The following KIAA0586 variants were observed in gnomAD, a reference collection of about 807,000 sequenced individuals.
The protein encoded by KIAA0586 is KIAA0586.
Under a neutral mutation model 169.8 loss-of-function variants are expected in KIAA0586, and 144 were observed. The observed-to-expected ratio is 0.85, with a 90% CI of 0.74 to 0.97. The LOEUF is 0.97. Ranked by LOEUF, KIAA0586 falls within the 50% of genes least tolerant of loss-of-function variation. The pLI is 0.00. For missense variants in KIAA0586, 1,854 were observed against 1,823.0 expected (o/e 1.02, Z -0.31); for synonymous variants, 625 against 612.4 (o/e 1.02, Z -0.30).
chr14:58,509,392 G>A (rs989021115), intron 28 of KIAA0586, among the ~76,000 whole-genome samples: 6 of 152,126 alleles, frequency 3.9e-5, no homozygotes, highest in Admixed American at 6.5e-5. Context: ...CATAAGAAAT[G>A]TATTGCATAA....
In KIAA0586 at chr14:58,428,248, G is replaced by C; in HGVS notation, c.-17G>C. The C allele has an allele frequency of 6.2e-7, 1 of 1,611,022 alleles. No homozygotes were observed. The highest frequency in any genetic ancestry group is 8.5e-7 in the Non-Finnish European group (1 of 1,178,604). ...TTTTCCGTCCTTAAGTGTGGGACTT[G>C]TTTTGTGACCAACAATATGAAAGGC... On this transcript the variant is annotated 5_prime_UTR_variant, in exon 1 of 31. Coordinates refer to ENST00000652326, the MANE Select transcript of KIAA0586 (RefSeq NM_001329943.3).
At chr14:58,552,408 C>G (rs568508719), downstream of KIAA0586, among the ~76,000 whole-genome samples, 1 of 152,198 alleles carries the variant, frequency 6.6e-6, no homozygotes, top group African/African-American at 2.4e-5. Context: ...AAATATTAGC[C>G]AGAGTACAGA....
intron 16 of KIAA0586, among the ~76,000 whole-genome samples, chr14:58,469,523 G>A (rs1461380569): frequency 2.0e-5 from 3 of 152,102 alleles, no homozygotes; most frequent in Non-Finnish European, 2.9e-5. Flanking sequence ...GTACAAACCC[G>A]GTCAATGTGT....
At position 58,484,900 on chromosome 14, in the gene KIAA0586, A is replaced by ATT. The variant is rs373179400; in HGVS notation, c.3145-2106_3145-2105insTT. Reference sequence around the variant, plus strand: ...ATATTATATATATATTTATATATATATATATATATATATATATATATATAT... The same window carrying ATT: ...ATATTATATATATATTTATATATATATTTATATATATATATATATATATATAT... On this transcript the variant is annotated intron_variant, in intron 21 of 30. Transcript: ENST00000652326. Among the ~76,000 whole-genome samples, 64 of 9,160 alleles carry ATT rather than the reference A, an allele frequency of 7.0e-3. 1 individual carries two copies. Among genetic ancestry groups the ATT allele is most frequent in the Admixed American group, 0.017 (6 of 360 alleles). 6.0% of individuals were successfully genotyped at this position (9,160 alleles called of 152,430 possible).
intron 29 of KIAA0586, among the ~76,000 whole-genome samples, chr14:58,517,513 A>G (rs1197875607): frequency 6.6e-6 from 1 of 152,204 alleles, no homozygotes; most frequent in Non-Finnish European, 1.5e-5. Flanking sequence ...ATTCTGATAC[A>G]TTGCTGGTGG....
intron 29 of KIAA0586, among the ~76,000 whole-genome samples, chr14:58,529,096 A>G (rs2045788278): frequency 6.6e-6 from 1 of 152,226 alleles, no homozygotes; most frequent in Non-Finnish European, 1.5e-5. Context: ...AATTAACTAC[A>G]AAATCTAGAA....
chr14:58,455,327 C>T (rs952637687), intron 9 of KIAA0586, among the ~76,000 whole-genome samples: 1 of 152,170 alleles, frequency 6.6e-6, no homozygotes, highest in Non-Finnish European at 1.5e-5. Flanking sequence ...TGGGATTCCT[C>T]AACAGCAGTT....
At chr14:58,473,222 A>G (rs2041359104) in intron 18 of KIAA0586, among the ~76,000 whole-genome samples, 1 of 152,024 alleles carries the variant, frequency 6.6e-6, no homozygotes, top group Non-Finnish European at 1.5e-5. Context: ...TGAATTATTT[A>G]TAGATAAAAT....
At chr14:58,436,801 C>G (rs958576385) in intron 4 of KIAA0586, among the ~76,000 whole-genome samples, 4 of 152,092 alleles carry the variant, frequency 2.6e-5, no homozygotes, top group Non-Finnish European at 5.9e-5. Context: ...TGATGGAGAA[C>G]TTGCCTTAAT....
Position 58,459,884 on chromosome 14 carries a change from T to A in KIAA0586, c.1698T>A (p.Asp566Glu), listed in dbSNP as rs912229914. The A allele has an allele frequency of 5.2e-6, 8 of 1,533,030 alleles. No individual in the cohort carries two copies. Among genetic ancestry groups the A allele is most frequent in the Non-Finnish European group, 2.6e-6 (3 of 1,145,576 alleles). 95.0% of individuals were successfully genotyped at this position (1,533,030 alleles called of 1,614,324 possible). A position where few individuals can be genotyped will look rare whatever the true frequency, so the allele number is the denominator to read the frequency against. The part of the protein sequence containing the change: ...SRTDYEQKRF[D>E]QKNQRTKKGQ... Reference sequence around the variant, plus strand: ...CAGATTATGAACAAAAAAGATTTGATCAGAAGAATCAGAGAACCAAGAAAG... The same window carrying A: ...CAGATTATGAACAAAAAAGATTTGAACAGAAGAATCAGAGAACCAAGAAAG... The change falls in exon 13 of 31, where the codon GAT becomes GAA. Residue 566 changes from aspartate (D) to glutamate (E), a missense_variant. Coordinates refer to ENST00000652326, the MANE Select transcript of KIAA0586 (RefSeq NM_001329943.3).
intron 27 of KIAA0586, among the ~76,000 whole-genome samples, chr14:58,499,443 G>A (rs576615691): frequency 6.6e-6 from 1 of 151,710 alleles, no homozygotes; most frequent in Admixed American, 6.6e-5. Context: ...TAGTAGAGAT[G>A]GGGTTTCACC....
intron 27 of KIAA0586, among the ~76,000 whole-genome samples, chr14:58,503,810 C>CA (rs61688010): frequency 0.065 from 3,906 of 60,352 alleles, 156 homozygotes; most frequent in African/African-American, 0.18. Context: ...GGGACAAAGG[C>CA]AAAAAAAAAA....
Position 58,507,187 on chromosome 14 carries a change from A to G in KIAA0586, c.4169-1368A>G, listed in dbSNP as rs182600810. Among the ~76,000 whole-genome samples, 869 of 146,214 alleles carry G rather than the reference A, an allele frequency of 5.9e-3. 3 individuals carry two copies. The highest frequency in any genetic ancestry group is 0.01 in the Non-Finnish European group (681 of 66,908). ...AGTGTATATATATATATGTGTATGT[A>G]TGATTTTTATATATATGTATGATTT... On this transcript the variant is annotated intron_variant, in intron 27 of 30. Transcript: ENST00000652326.
chr14:58,510,532 A>G (rs931561929), intron 28 of KIAA0586, among the ~76,000 whole-genome samples: 1 of 152,194 alleles, frequency 6.6e-6, no homozygotes, highest in African/African-American at 2.4e-5. Flanking sequence ...TACTTTGTTG[A>G]TTGGGAATGT....
At chr14:58,490,965 A>T (rs1197625019) in intron 25 of KIAA0586, among the ~76,000 whole-genome samples, 1 of 152,138 alleles carries the variant, frequency 6.6e-6, no homozygotes, top group East Asian at 1.9e-4. Flanking sequence ...AAGTTTTTTG[A>T]TAAGATTTTA....
Position 58,427,792 on chromosome 14 carries a change from T to C in KIAA0586, c.-473T>C. On this transcript the variant is annotated 5_prime_UTR_variant, in exon 1 of 31. Coordinates refer to ENST00000652326, the MANE Select transcript of KIAA0586 (RefSeq NM_001329943.3). ...AGATACGTAGGGGTGAATTTATGTT[T>C]CCGACGATTGCATCTGGAGGGGTGT... 2 of 1,512,908 alleles carry C rather than the reference T, an allele frequency of 1.3e-6. No homozygotes were observed. The highest frequency in any genetic ancestry group is 2.5e-5 in the South Asian group (2 of 81,218). The allele number at this position is 1,512,908 out of a possible 1,614,324, so 93.7% of individuals were successfully genotyped here. A position where few individuals can be genotyped will look rare whatever the true frequency, so the allele number is the denominator to read the frequency against.
chr14:58,544,743 T>C (rs949903001), intron 30 of KIAA0586, among the ~76,000 whole-genome samples: 2 of 152,250 alleles, frequency 1.3e-5, no homozygotes, highest in African/African-American at 4.8e-5. Flanking sequence ...AGATGCTGGA[T>C]ATTAGACCGT....
Position 58,543,304 on chromosome 14 carries a change from A to G in KIAA0586, c.4495+3168A>G, listed in dbSNP as rs192521171. 3.3e-5 allele frequency among the ~76,000 whole-genome samples: 5 copies of G among 152,094 alleles called. No homozygotes were observed. In the East Asian group the frequency reaches 9.7e-4, roughly 29 times the overall value. On this transcript the variant is annotated intron_variant, in intron 30 of 30. Transcript: ENST00000652326. ...TATAGTACTTAGCACTTCCTGTTAT[A>G]TTAGATGTTTATTTCCTTACTTGTC...
chr14:58,459,740 A>C (rs2040173590), intron 12 of KIAA0586, 103 bp from the exon 13 acceptor site: 11 of 621,014 alleles, frequency 1.8e-5, no homozygotes, highest in Non-Finnish European at 2.1e-5. Flanking sequence ...AAACTGCTAA[A>C]CTGTATTTAT....
Sources: allele counts gnomAD v4.1 joint callset (sites outside exome capture counted in the v4.1 genomes callset), GRCh38; gene constraint gnomAD v4.1.1; transcripts MANE v1.5; gene names NCBI Gene and HGNC (gene_info 2026-07-23, HGNC 2026-07-21).